Variants in FOXJ3 observed in about 807,000 individuals in gnomAD.
FOXJ3 encodes forkhead box protein J3.
FOXJ3 carries 22 observed loss-of-function variants against 76.1 expected under a neutral mutation model. The ratio of observed to expected loss-of-function variants is 0.29; its 90% CI spans 0.21 to 0.41. The LOEUF is 0.41. Ranked by LOEUF, FOXJ3 falls within the 10% of genes least tolerant of loss-of-function variation. The pLI is 1.00. For synonymous variants in FOXJ3, 269 were observed against 261.2 expected, an observed-to-expected ratio of 1.03 and a Z score of -0.29; for missense variants, 613 against 762.1, an observed-to-expected ratio of 0.80 and a Z score of 2.30.
chr1:42,254,887 C>T (rs1179066169), intron 4 of FOXJ3, among the ~76,000 whole-genome samples: 7 of 150,446 alleles, frequency 4.7e-5, no homozygotes, highest in Non-Finnish European at 8.9e-5. Context: ...ATGGGTGCAG[C>T]ACACCAGCAT....
intron 1 of FOXJ3, among the ~76,000 whole-genome samples, chr1:42,334,738 GC>G (rs982935408): frequency 1.3e-5 from 2 of 151,814 alleles, no homozygotes; most frequent in Non-Finnish European, 2.9e-5. Context: ...CGGACTAGGC[GC>G]CCCCGGGATC....
At chr1:42,237,401 C>CATATATATAT in intron 4 of FOXJ3, among the ~76,000 whole-genome samples, 1 of 46,844 alleles carries the variant, frequency 2.1e-5, no homozygotes, top group Non-Finnish European at 4.7e-5. Flanking sequence ...TACATACATA[C>CATATATATAT]ATACATATAT....
At chr1:42,197,364 G>T (rs1307934157) in intron 7 of FOXJ3, among the ~76,000 whole-genome samples, 2 of 152,052 alleles carry the variant, frequency 1.3e-5, no homozygotes, top group Non-Finnish European at 2.9e-5. Flanking sequence ...AAAAAGGGGG[G>T]GAGGTCTGAT....
chr1:42,283,069 G>GA (rs1248887305), intron 2 of FOXJ3, among the ~76,000 whole-genome samples: 3 of 152,120 alleles, frequency 2.0e-5, no homozygotes, highest in Admixed American at 6.6e-5. Flanking sequence ...TCGTAAGACA[G>GA]AAAAAAGTAT....
intron 1 of FOXJ3, among the ~76,000 whole-genome samples, chr1:42,316,958 G>A (rs551116596): frequency 8.7e-4 from 132 of 152,168 alleles, no homozygotes; most frequent in Admixed American, 2.0e-3. Context: ...CAAAATCTCA[G>A]AAATCACCAC....
At chr1:42,313,051 C>A (rs1287942445) in intron 1 of FOXJ3, among the ~76,000 whole-genome samples, 3 of 151,978 alleles carry the variant, frequency 2.0e-5, no homozygotes, top group Non-Finnish European at 2.9e-5. Context: ...AACCTTCATA[C>A]CGGCTGGGCG....
intron 1 of FOXJ3, among the ~76,000 whole-genome samples, chr1:42,322,540 T>C (rs1655494107): frequency 6.6e-6 from 1 of 152,114 alleles, no homozygotes; most frequent in African/African-American, 2.4e-5. Context: ...ATATTTTATA[T>C]ATTTCTAAGT....
At chr1:42,193,228 T>C (rs912080696) in intron 8 of FOXJ3, among the ~76,000 whole-genome samples, 1 of 152,072 alleles carries the variant, frequency 6.6e-6, no homozygotes, top group Non-Finnish European at 1.5e-5. Context: ...CTGCAGTCCC[T>C]AAGATCTTTA....
intron 2 of FOXJ3, among the ~76,000 whole-genome samples, chr1:42,309,391 A>G (rs549197647): frequency 2.6e-5 from 4 of 152,296 alleles, no homozygotes; most frequent in African/African-American, 9.6e-5. Flanking sequence ...GGCTCCCTCC[A>G]TCATACTTTA....
At chr1:42,297,047 T>G (rs1007099364) in intron 2 of FOXJ3, among the ~76,000 whole-genome samples, 1 of 152,092 alleles carries the variant, frequency 6.6e-6, no homozygotes. Flanking sequence ...CCTAGGGGTG[T>G]GCGGGTGTGG....
intron 1 of FOXJ3, among the ~76,000 whole-genome samples, chr1:42,313,019 T>C (rs1032639633): frequency 1.3e-5 from 2 of 152,174 alleles, no homozygotes; most frequent in South Asian, 2.1e-4. Flanking sequence ...CAAGCTGATC[T>C]TCCCCTAGAT....
chr1:42,224,335 A>G (rs1370470336), intron 5 of FOXJ3, among the ~76,000 whole-genome samples: 1 of 152,224 alleles, frequency 6.6e-6, no homozygotes, highest in Non-Finnish European at 1.5e-5. Context: ...TAACTCATGG[A>G]TTAAGAAAAG....
rs534139749 is a variant in FOXJ3, at chr1:42,274,169, T to C, written c.369+4179A>G. On this transcript the variant is annotated intron_variant, in intron 3 of 12. Transcript: ENST00000361346. ...AAAATTTTCTAGCCTTTTCTCAGGC[T>C]AAATATTGACAAAGAAAGTCTACAG... Among the ~76,000 whole-genome samples the C allele has an allele frequency of 1.3e-4, 20 of 152,272 alleles. No individual in the cohort carries two copies. The South Asian group carries it at 3.3e-3, about 25-fold the overall frequency.
chr1:42,322,082 A>G (rs1293151819), intron 1 of FOXJ3, among the ~76,000 whole-genome samples: 1 of 152,168 alleles, frequency 6.6e-6, no homozygotes, highest in African/African-American at 2.4e-5. Context: ...AATCTAGCAG[A>G]TATTTCAAAA....
chr1:42,183,204 C>T (rs943269871), intron 11 of FOXJ3, among the ~76,000 whole-genome samples: 2 of 148,138 alleles, frequency 1.4e-5, no homozygotes, highest in Non-Finnish European at 3.0e-5. Context: ...TGCAGTGAAC[C>T]GAGATTGTGC....
chr1:42,308,730 G>A (rs1654617368), intron 2 of FOXJ3, among the ~76,000 whole-genome samples: 1 of 152,104 alleles, frequency 6.6e-6, no homozygotes, highest in Non-Finnish European at 1.5e-5. Context: ...AGAATATTGT[G>A]CAGAGGAATT....
chr1:42,289,410 T>A (rs1441626883), intron 2 of FOXJ3, among the ~76,000 whole-genome samples: 2 of 152,142 alleles, frequency 1.3e-5, no homozygotes, highest in Non-Finnish European at 2.9e-5. Context: ...ATGTGGAATA[T>A]TTAGCATACA....
At position 42,188,936 on chromosome 1, in the gene FOXJ3, G is replaced by A. The variant is rs990778615; in HGVS notation, c.1454-8C>T. The A allele has an allele frequency of 3.9e-6, 6 of 1,556,998 alleles. No individual in the cohort carries two copies. The African/African-American group carries it at 4.1e-5, about 11-fold the overall frequency. On this transcript the variant is annotated splice_polypyrimidine_tract_variant and splice_region_variant and intron_variant, in intron 10 of 12. Transcript: ENST00000361346. ...TCATACTCTCCATCAGACCTATGAG[G>A]AAAGCATTAAAAATATGTTAGCACT...
intron 5 of FOXJ3, among the ~76,000 whole-genome samples, chr1:42,216,505 G>A (rs1199369409): frequency 2.7e-5 from 4 of 149,962 alleles, no homozygotes; most frequent in African/African-American, 4.9e-5. Context: ...GCGACAGAGC[G>A]AGACTCCGTC....
Sources: gnomAD v4.1 joint callset for allele counts (sites outside exome capture counted in the v4.1 genomes callset) on GRCh38, gnomAD v4.1.1 for gene constraint, MANE v1.5 for transcripts, NCBI Gene and HGNC (gene_info 2026-07-23, HGNC 2026-07-21) for gene names.